CLDN18: variants seen among roughly 807,000 people sequenced by gnomAD.
The protein encoded by CLDN18 is claudin-18.
In CLDN18, 20 loss-of-function variants were observed where a neutral mutation model predicts 25.0. The observed-to-expected ratio is 0.80, with a 90% CI of 0.56 to 1.16. The LOEUF is 1.16. Among genes scored for constraint, CLDN18 ranks in the 50% most tolerant of loss-of-function variants. The pLI is 0.00. For missense variants in CLDN18, 297 were observed against 345.4 expected, an observed-to-expected ratio of 0.86 and a Z score of 1.11; for synonymous variants, 125 against 135.6, an observed-to-expected ratio of 0.92 and a Z score of 0.54.
Position 138,031,763 on chromosome 3 carries a change from ATCT to A in CLDN18, c.*627_*629del, listed in dbSNP as rs1374702172. 1 of 152,208 alleles carries A rather than the reference ATCT, an allele frequency of 6.6e-6. No homozygotes were observed. The highest frequency in any genetic ancestry group is 6.5e-5 in the Admixed American group (1 of 15,282). The allele number at this position is 152,208 out of a possible 1,614,324, so 9.4% of individuals were successfully genotyped here. On this transcript the variant is annotated 3_prime_UTR_variant, in exon 5 of 5. Coordinates refer to ENST00000183605, the MANE Select transcript of CLDN18 (RefSeq NM_016369.4). ...ACCAAACCTTTCTACTGCTGTTGAC[ATCT>A]TCTTATTACAGCAACACCATTCTAG...
chr3:138,014,035 A>G (rs1378939990), intron 1 of CLDN18, among the ~76,000 whole-genome samples: 1 of 152,006 alleles, frequency 6.6e-6, no homozygotes, highest in Non-Finnish European at 1.5e-5. Context: ...GTAAGGAGGA[A>G]GAAAGGAACA....
At chr3:138,017,066 AAC>A (rs1377332502) in intron 1 of CLDN18, among the ~76,000 whole-genome samples, 4 of 151,556 alleles carry the variant, frequency 2.6e-5, no homozygotes, top group South Asian at 2.1e-4. Context: ...AAAAAAAAAA[AAC>A]AAAGAAAGAA....
chr3:138,022,050 A>G (rs1942276943), intron 1 of CLDN18, among the ~76,000 whole-genome samples: 1 of 152,186 alleles, frequency 6.6e-6, no homozygotes, highest in South Asian at 2.1e-4. Context: ...TGGAGTCAGG[A>G]GCTCAAACAC....
At chr3:138,002,732 A>C (rs1481994478) in intron 1 of CLDN18, among the ~76,000 whole-genome samples, 1 of 152,198 alleles carries the variant, frequency 6.6e-6, no homozygotes, top group East Asian at 1.9e-4. Flanking sequence ...CTTCCAGAGA[A>C]ACCCTAGGCA....
At chr3:137,998,854 A>G (rs1242092297) in exon 1 of CLDN18, 1 of 1,613,666 alleles carries the variant, frequency 6.2e-7, no homozygotes. Context: ...CTCTGTGTCG[A>G]CACTGTGCGC....
chr3:138,018,248 CG>C (rs1361212146), intron 1 of CLDN18, among the ~76,000 whole-genome samples: 3 of 152,038 alleles, frequency 2.0e-5, no homozygotes, highest in African/African-American at 7.3e-5. Context: ...TAAGGGTTCA[CG>C]CTCTTCAAAG....
At chr3:138,029,663 G>A in intron 3 of CLDN18, 134 bp from the exon 4 acceptor site, 1 of 607,858 alleles carries the variant, frequency 1.6e-6, no homozygotes, top group East Asian at 2.9e-5. Context: ...ACAGGAATGT[G>A]TGTTCAGGGG....
intron 1 of CLDN18, among the ~76,000 whole-genome samples, chr3:138,021,522 C>T (rs1327383261): frequency 1.3e-5 from 2 of 152,118 alleles, no homozygotes; most frequent in African/African-American, 4.8e-5. Context: ...TGGAAAACTA[C>T]CCACCAGGAT....
chr3:138,030,846 G>A (rs139404952), intron 4 of CLDN18, 124 bp from the exon 5 acceptor site: 17 of 864,974 alleles, frequency 2.0e-5, no homozygotes, highest in East Asian at 9.8e-5. Flanking sequence ...GGTTTGCCCC[G>A]GACTGATGGG....
intron 1 of CLDN18, among the ~76,000 whole-genome samples, chr3:138,018,616 G>A (rs1003604612): frequency 4.6e-5 from 7 of 152,088 alleles, no homozygotes; most frequent in Middle Eastern, 3.4e-3. Context: ...GATTACAGGC[G>A]TGAGCCACCG....
At chr3:138,030,939 T>G in intron 4 of CLDN18, 31 bp from the exon 5 acceptor site, 5 of 1,596,824 alleles carry the variant, frequency 3.1e-6, no homozygotes, top group Non-Finnish European at 4.3e-6. Context: ...CAAAGACATC[T>G]ACAATCATGG....
At chr3:138,003,276 C>G (rs1942037488) in intron 1 of CLDN18, among the ~76,000 whole-genome samples, 1 of 152,160 alleles carries the variant, frequency 6.6e-6, no homozygotes, top group South Asian at 2.1e-4. Flanking sequence ...GGTTAAGAAC[C>G]ACAGCAATAA....
In CLDN18 at chr3:138,033,239, G is replaced by A. The variant is rs1942417626; in HGVS notation, c.*2098G>A. 6.6e-6 allele frequency: 1 copy of A among 152,318 alleles called. No individual in the cohort carries two copies. The highest frequency in any genetic ancestry group is 3.4e-3 in the Middle Eastern group (1 of 294). The allele number at this position is 152,318 out of a possible 1,614,324, so 9.4% of individuals were successfully genotyped here. A position where few individuals can be genotyped will look rare whatever the true frequency, so the allele number is the denominator to read the frequency against. ...ACAGCAACATTTAAACCAAACCAGA[G>A]GAAGTATTTGTGGAACTCACTGCCT... On this transcript the variant is annotated 3_prime_UTR_variant, in exon 5 of 5. Coordinates refer to ENST00000183605, the MANE Select transcript of CLDN18 (RefSeq NM_016369.4).
chr3:138,009,918 G>A (rs1356438469), upstream of CLDN18: 3 of 365,310 alleles, frequency 8.2e-6, no homozygotes, highest in Admixed American at 1.2e-4. Flanking sequence ...AGCCGGAGCT[G>A]GAGGGAGGCC....
At chr3:138,000,745 C>A (rs1286292740) in intron 1 of CLDN18, among the ~76,000 whole-genome samples, 1 of 152,168 alleles carries the variant, frequency 6.6e-6, no homozygotes, top group African/African-American at 2.4e-5. Flanking sequence ...CCACTAAGGA[C>A]CAGAAGGAAG....
chr3:138,013,930 A>C (rs1942171101), intron 1 of CLDN18, among the ~76,000 whole-genome samples: 1 of 152,132 alleles, frequency 6.6e-6, no homozygotes, highest in Non-Finnish European at 1.5e-5. Context: ...GTTTAAGGTA[A>C]ATTTCTGCAA....
rs965043718 is a variant in CLDN18, at chr3:138,029,783, A to G, written c.504-14A>G. On this transcript the variant is annotated splice_polypyrimidine_tract_variant and intron_variant, in intron 3 of 4. Transcript: ENST00000183605. ...TGAGTCAACCATATTGACAGCCACC[A>G]TCTCCCTACCCAGGTACACATTTGG... 6.7e-6 allele frequency: 10 copies of G among 1,498,240 alleles called. No individual in the cohort carries two copies. In the Admixed American group the frequency reaches 1.3e-4, roughly 20 times the overall value. The allele number at this position is 1,498,240 out of a possible 1,614,324, so 92.8% of individuals were successfully genotyped here.
intron 3 of CLDN18, among the ~76,000 whole-genome samples, chr3:138,027,615 G>A (rs1287561066): frequency 6.6e-6 from 1 of 152,134 alleles, no homozygotes. Context: ...AGTGGCTATT[G>A]GGAGAATTAA....
At chr3:138,025,852 C>T (rs1268043539) in intron 3 of CLDN18, among the ~76,000 whole-genome samples, 1 of 152,168 alleles carries the variant, frequency 6.6e-6, no homozygotes, top group East Asian at 1.9e-4. Flanking sequence ...TATTTGGGTG[C>T]CTGGGGTCAT....
Sources: gnomAD v4.1 joint callset for allele counts (sites outside exome capture counted in the v4.1 genomes callset) on GRCh38, gnomAD v4.1.1 for gene constraint, MANE v1.5 for transcripts, NCBI Gene and HGNC (gene_info 2026-07-23, HGNC 2026-07-21) for gene names.